The following PRKAR1B variants were observed in gnomAD, a reference collection of about 807,000 sequenced individuals.
PRKAR1B encodes protein kinase cAMP-dependent type I regulatory subunit beta, also known as cAMP-dependent protein kinase type I-beta regulatory subunit.
A neutral mutation model predicts 46.5 loss-of-function variants in PRKAR1B; 22 were observed. That is an observed-to-expected ratio of 0.47 (90% CI 0.34 to 0.68). PRKAR1B has a LOEUF of 0.68. PRKAR1B is among the 30% of genes least tolerant of loss of function. The pLI is 0.01. For missense variants in PRKAR1B, 445 were observed against 535.6 expected (o/e 0.83, Z 1.67); for synonymous variants, 259 against 217.7 (o/e 1.19, Z -1.67).
In PRKAR1B at chr7:727,025, T is replaced by TG. The variant is rs1411359655; in HGVS notation, c.-23+184dup. 18 of 1,183,090 alleles carry TG rather than the reference T, an allele frequency of 1.5e-5. No individual in the cohort carries two copies. The highest frequency in any genetic ancestry group is 1.8e-5 in the Non-Finnish European group (17 of 955,050). The allele number at this position is 1,183,090 out of a possible 1,614,324, so 73.3% of individuals were successfully genotyped here. ...GCGCTGGCAGTGCACCTGCTGGATC[T>TG]GGGCCTGCGCCGCGCCGCGCGGCCC... On this transcript the variant is annotated intron_variant, in intron 1 of 10. Transcript: ENST00000537384.
rs771971611 is a variant in PRKAR1B at position 711,349 on chromosome 7, G to A, written c.157C>T (p.His53Tyr). 4 of 1,614,194 alleles carry A rather than the reference G, an allele frequency of 2.5e-6. No homozygotes were observed. The highest frequency in any genetic ancestry group is 3.4e-6 in the Non-Finnish European group (4 of 1,180,012). ...CTCACCTTCTCCAGCTTCTCGAAGT[G>A]CTCCCGGAGGAACTTCATGGGGCGT... is the stretch of plus-strand genomic sequence containing the variant. ...PERPMKFLRE[H>Y]FEKLEKEENR... The change falls in exon 2 of 11, where the codon CAC becomes TAC. Residue 53 changes from histidine (H) to tyrosine (Y), a missense_variant. Coordinates refer to ENST00000537384, the MANE Select transcript of PRKAR1B (RefSeq NM_001164760.2).
intron 4 of PRKAR1B, among the ~76,000 whole-genome samples, chr7:672,885 T>A (rs917066187): frequency 2.7e-5 from 4 of 150,572 alleles, no homozygotes; most frequent in South Asian, 2.1e-4. Flanking sequence ...GAAAAAATAA[T>A]TTTTTTTTAA....
chr7:685,731 G>T (rs184264323), intron 2 of PRKAR1B, among the ~76,000 whole-genome samples: 13 of 151,978 alleles, frequency 8.6e-5, no homozygotes, highest in Admixed American at 7.9e-4. Flanking sequence ...ACATTCTGAA[G>T]GAAACTTCCT....
At chr7:588,934 T>C in intron 7 of PRKAR1B, among the ~76,000 whole-genome samples, 1 of 11,746 alleles carries the variant, frequency 8.5e-5, no homozygotes. Context: ...GGGATAGAGA[T>C]GGTGGTGATG....
At chr7:633,093 G>C (rs1042775488) in intron 4 of PRKAR1B, among the ~76,000 whole-genome samples, 3 of 152,224 alleles carry the variant, frequency 2.0e-5, no homozygotes, top group Admixed American at 6.5e-5. Flanking sequence ...CCACTGCTCC[G>C]ACTCTGGAAT....
intron 4 of PRKAR1B, among the ~76,000 whole-genome samples, chr7:673,610 C>A (rs961947647): frequency 1.3e-5 from 2 of 150,608 alleles, no homozygotes; most frequent in Non-Finnish European, 2.9e-5. Flanking sequence ...GATCGCCCCA[C>A]TGCACTGAAG....
chr7:614,493 G>T (rs1782694031), intron 4 of PRKAR1B, among the ~76,000 whole-genome samples: 1 of 152,352 alleles, frequency 6.6e-6, no homozygotes, highest in Non-Finnish European at 1.5e-5. Flanking sequence ...GGTGGCTCAT[G>T]CCTGTCATCC....
Position 703,498 on chromosome 7 carries a change from C to T in PRKAR1B, c.177+7831G>A, listed in dbSNP as rs548476110. Among the ~76,000 whole-genome samples, 17 of 151,988 alleles carry T rather than the reference C, an allele frequency of 1.1e-4. No individual in the cohort carries two copies. In the East Asian group the frequency reaches 3.3e-3, roughly 29 times the overall value. ...TGAAACCCCATCTCTACTAAAAACA[C>T]ACAAAAAATTAGCTGGGCGTGGTGG... is the stretch of plus-strand genomic sequence containing the variant. On this transcript the variant is annotated intron_variant, in intron 2 of 10. Transcript: ENST00000537384.
intron 4 of PRKAR1B, among the ~76,000 whole-genome samples, chr7:636,965 G>A (rs1784145714): frequency 6.6e-6 from 1 of 152,154 alleles, no homozygotes; most frequent in South Asian, 2.1e-4. Flanking sequence ...GGGAGTGCCG[G>A]GACAGGCCAA....
At chr7:703,977 G>C (rs1358715922) in intron 2 of PRKAR1B, among the ~76,000 whole-genome samples, 1 of 152,070 alleles carries the variant, frequency 6.6e-6, no homozygotes, top group South Asian at 2.1e-4. Flanking sequence ...ATGAACCAAA[G>C]AGGAAATCTC....
At chr7:726,583 A>ATACAGGG in intron 1 of PRKAR1B, 2 of 633,488 alleles carry the variant, frequency 3.2e-6, no homozygotes, top group Non-Finnish European at 4.5e-6. Context: ...GCACGACAAG[A>ATACAGGG]GCACAGGCCC....
intron 4 of PRKAR1B, among the ~76,000 whole-genome samples, chr7:649,350 C>A (rs551863297): frequency 6.6e-6 from 1 of 152,178 alleles, no homozygotes; most frequent in Middle Eastern, 3.4e-3. Flanking sequence ...GTAAAAGACG[C>A]GTTGAATGTT....
chr7:585,593 G>T (rs1377328734), intron 7 of PRKAR1B, among the ~76,000 whole-genome samples: 1 of 152,136 alleles, frequency 6.6e-6, no homozygotes, highest in Non-Finnish European at 1.5e-5. Context: ...GTCCCCTGGG[G>T]TGTGGAGAAA....
intron 9 of PRKAR1B, chr7:578,937 C>G: frequency 1.0e-6 from 1 of 967,988 alleles, no homozygotes; most frequent in Non-Finnish European, 1.3e-6. Flanking sequence ...CCGCCTCAGC[C>G]TCCCACAGTG....
chr7:727,061 T>C, intron 1 of PRKAR1B, 149 bp downstream of exon 1: 3 of 1,063,598 alleles, frequency 2.8e-6, no homozygotes, highest in Non-Finnish European at 3.4e-6. Flanking sequence ...CGCGATGCCC[T>C]GCCGCGCCTG....
chr7:630,032 C>G (rs1289549162), intron 4 of PRKAR1B, among the ~76,000 whole-genome samples: 5 of 138,058 alleles, frequency 3.6e-5, no homozygotes, highest in African/African-American at 1.3e-4. Flanking sequence ...CACCCCAGGG[C>G]TGGAAAACGC....
intron 2 of PRKAR1B, among the ~76,000 whole-genome samples, chr7:701,158 A>C (rs1487767037): frequency 6.6e-6 from 1 of 151,442 alleles, no homozygotes; most frequent in African/African-American, 2.4e-5. Flanking sequence ...ACTGCACTCC[A>C]GCCTGGGCAA....
chr7:575,008 C>A (rs562819330), intron 9 of PRKAR1B, among the ~76,000 whole-genome samples: 1 of 152,352 alleles, frequency 6.6e-6, no homozygotes, highest in East Asian at 1.9e-4. Context: ...AGGAAGGGCT[C>A]TACTGACGTA....
intron 2 of PRKAR1B, among the ~76,000 whole-genome samples, chr7:705,330 A>G (rs1029315550): frequency 4.6e-4 from 52 of 113,590 alleles, no homozygotes; most frequent in Non-Finnish European, 1.0e-3. Flanking sequence ...AGAAAAAAGA[A>G]AAAAAAAAAC....
Sources: allele counts gnomAD v4.1 joint callset (sites outside exome capture counted in the v4.1 genomes callset), GRCh38; gene constraint gnomAD v4.1.1; transcripts MANE v1.5; gene names NCBI Gene and HGNC (gene_info 2026-07-23, HGNC 2026-07-21).